PHC2: variants seen among roughly 807,000 people sequenced by gnomAD.
PHC2 encodes polyhomeotic-like protein 2.
In PHC2, 29 loss-of-function variants were observed where a neutral mutation model predicts 87.4. That is an observed-to-expected ratio of 0.33 (90% confidence interval 0.25 to 0.45). PHC2 has a LOEUF of 0.45. Among genes scored for constraint, PHC2 ranks in the 20% least tolerant of loss-of-function variants. The pLI is 1.00. For missense variants in PHC2, 857 were observed against 1,136.7 expected (o/e 0.75, Z 3.54); for synonymous variants, 438 against 461.7 (o/e 0.95, Z 0.66).
At chr1:33,405,869 T>G (rs1252829268) in intron 1 of PHC2, among the ~76,000 whole-genome samples, 2 of 152,250 alleles carry the variant, frequency 1.3e-5, no homozygotes, top group African/African-American at 2.4e-5. Flanking sequence ...TGTGTGGTTT[T>G]AATTCTATGA....
At chr1:33,354,030 T>A (rs1300486998) in intron 9 of PHC2, among the ~76,000 whole-genome samples, 1 of 152,108 alleles carries the variant, frequency 6.6e-6, no homozygotes, top group Admixed American at 6.5e-5. Context: ...TTGCCATATT[T>A]CCAATATCAA....
At chr1:33,327,020 A>G (rs1646386398) in intron 14 of PHC2, among the ~76,000 whole-genome samples, 2 of 152,194 alleles carry the variant, frequency 1.3e-5, no homozygotes, top group South Asian at 2.1e-4. Flanking sequence ...AAACGACTAC[A>G]CTGAAAATAC....
intron 1 of PHC2, among the ~76,000 whole-genome samples, chr1:33,429,344 T>C (rs1650808077): frequency 6.6e-6 from 1 of 152,116 alleles, no homozygotes; most frequent in Non-Finnish European, 1.5e-5. Flanking sequence ...TTTTAGAAAG[T>C]TACATTACAG....
At position 33,349,671 on chromosome 1, in the gene PHC2, T is replaced by G. The variant is rs2148262741; in HGVS notation, c.1558+4730A>C. The G allele has an allele frequency of 1.0e-6, 1 of 981,766 alleles. No individual in the cohort carries two copies. Among genetic ancestry groups the G allele is most frequent in the East Asian group, 1.2e-4 (1 of 8,606 alleles). 60.8% of individuals were successfully genotyped at this position (981,766 alleles called of 1,614,324 possible). ...CGGCCGGGCGCCGACTCGCGCGGGG[T>G]CCCGGGCCCGGGCGGGCCGCCTCCT... On this transcript the variant is annotated intron_variant, in intron 9 of 14. Coordinates refer to ENST00000683057, the MANE Select transcript of PHC2 (RefSeq NM_001385109.1). The surrounding 1 kb of genome is among the most constrained non-coding windows in gnomAD (Gnocchi z 4.2).
At chr1:33,386,667 A>G (rs965108643) in intron 1 of PHC2, among the ~76,000 whole-genome samples, 21 of 152,170 alleles carry the variant, frequency 1.4e-4, no homozygotes, top group Admixed American at 1.4e-3. Flanking sequence ...TCATCTTAAA[A>G]ACAAAATCTC....
At chr1:33,379,619 C>CT (rs1648392992) in intron 1 of PHC2, among the ~76,000 whole-genome samples, 1 of 149,226 alleles carries the variant, frequency 6.7e-6, no homozygotes, top group Non-Finnish European at 1.5e-5. Context: ...CCCATGCTCC[C>CT]TTTCACCACT....
At chr1:33,370,945 A>G (rs928807769) in intron 4 of PHC2, 72 bp downstream of exon 4, 11 of 1,242,464 alleles carry the variant, frequency 8.9e-6, no homozygotes, top group East Asian at 6.9e-5. Flanking sequence ...ATTCACCACA[A>G]CTGGGTCTGG....
At chr1:33,425,680 T>C (rs1007926034) in intron 1 of PHC2, among the ~76,000 whole-genome samples, 24 of 152,310 alleles carry the variant, frequency 1.6e-4, no homozygotes, top group African/African-American at 5.8e-4. Context: ...CTGGTAAATG[T>C]TGGGGTAATT....
chr1:33,411,985 C>T lies in PHC2; in HGVS notation c.-55+18991G>A, dbSNP rs1012917212. ...CTCTTAAAGGATATCTAACAAAAACCTACAGCTAACATCATATTTATTAAG... is the reference window on the plus strand; with the variant it reads ...CTCTTAAAGGATATCTAACAAAAACTTACAGCTAACATCATATTTATTAAG... On this transcript the variant is annotated intron_variant, in intron 1 of 14. Transcript: ENST00000683057. Among the ~76,000 whole-genome samples, 6 of 152,240 alleles carry T rather than the reference C, an allele frequency of 3.9e-5. No individual in the cohort carries two copies. The South Asian group carries it at 6.2e-4, about 16-fold the overall frequency.
chr1:33,342,655 CAG>C (rs1646766380), intron 9 of PHC2, among the ~76,000 whole-genome samples: 1 of 152,070 alleles, frequency 6.6e-6, no homozygotes, highest in Non-Finnish European at 1.5e-5. Context: ...CCTGCAGGAC[CAG>C]AGTGACTTCC....
chr1:33,353,730 G>A (rs1401529524), intron 9 of PHC2, among the ~76,000 whole-genome samples: 1 of 152,128 alleles, frequency 6.6e-6, no homozygotes, highest in Non-Finnish European at 1.5e-5. Context: ...ACTGAGATCT[G>A]GGCCAACAGT....
intron 1 of PHC2, among the ~76,000 whole-genome samples, chr1:33,389,728 A>G (rs1421917852): frequency 1.3e-5 from 2 of 152,158 alleles, no homozygotes; most frequent in East Asian, 1.9e-4. Flanking sequence ...CCTGTGATCT[A>G]CTGTGACCAC....
chr1:33,393,631 G>A (rs886296706), intron 1 of PHC2, among the ~76,000 whole-genome samples: 2 of 49,574 alleles, frequency 4.0e-5, no homozygotes, highest in Non-Finnish European at 7.9e-5. Context: ...TCCTCAGAGT[G>A]AGCAGGCTAG....
chr1:33,330,066 C>CT lies in PHC2; in HGVS notation c.2148+4dup, dbSNP rs1487380171. On this transcript the variant is annotated splice_donor_region_variant and intron_variant, in intron 13 of 14. Transcript: ENST00000683057. ...ATGGAGCTTCAGGCTCTGCCCGCCT[C>CT]TTACCTGCTTCTTGGTATCCTTGGT... 1.9e-6 allele frequency: 3 copies of CT among 1,613,296 alleles called. No individual in the cohort carries two copies. The highest frequency in any genetic ancestry group is 2.5e-6 in the Non-Finnish European group (3 of 1,179,816).
intron 1 of PHC2, among the ~76,000 whole-genome samples, chr1:33,397,970 G>A (rs1649363606): frequency 6.6e-6 from 1 of 152,046 alleles, no homozygotes; most frequent in Admixed American, 6.5e-5. Context: ...TTTGTTCCCT[G>A]TGCATGTAAA....
At chr1:33,379,301 G>GCCCCCCCA (rs1218680224) in intron 1 of PHC2, among the ~76,000 whole-genome samples, 362 of 13,870 alleles carry the variant, frequency 0.026, 6 homozygotes, top group African/African-American at 0.096. Flanking sequence ...CCGCCCCCCT[G>GCCCCCCCA]CCCCCCCACC....
chr1:33,328,634 C>G (rs1332450995), intron 14 of PHC2, among the ~76,000 whole-genome samples: 1 of 152,172 alleles, frequency 6.6e-6, no homozygotes, highest in African/African-American at 2.4e-5. Flanking sequence ...TCACACAGAT[C>G]ACTTCCCATG....
At chr1:33,399,406 C>T (rs974370664) in intron 1 of PHC2, among the ~76,000 whole-genome samples, 2 of 152,136 alleles carry the variant, frequency 1.3e-5, no homozygotes, top group Non-Finnish European at 2.9e-5. Context: ...TCTAAAGAGC[C>T]GCCACAGATT....
At chr1:33,373,037 G>T (rs1377256169) in intron 2 of PHC2, among the ~76,000 whole-genome samples, 1 of 152,232 alleles carries the variant, frequency 6.6e-6, no homozygotes, top group Non-Finnish European at 1.5e-5. Flanking sequence ...GCCTCTCAGA[G>T]TCCCATCAAT....
Sources: allele counts gnomAD v4.1 joint callset (sites outside exome capture counted in the v4.1 genomes callset), GRCh38; gene constraint gnomAD v4.1.1; non-coding constraint Gnocchi (gnomAD v3.1); transcripts MANE v1.5; gene names NCBI Gene and HGNC (gene_info 2026-07-23, HGNC 2026-07-21).